The following CCDC30 variants were observed in gnomAD, a reference collection of about 807,000 sequenced individuals.
CCDC30 encodes the protein coiled-coil domain containing 30.
Under a neutral mutation model 100.2 loss-of-function variants are expected in CCDC30, and 70 were observed. That is an observed-to-expected ratio of 0.70 (90% CI 0.58 to 0.85). CCDC30 has a LOEUF of 0.85. CCDC30 is among the 40% of genes least tolerant of loss of function. The pLI, the probability that CCDC30 is intolerant of heterozygous loss-of-function variation, is 0.00. For missense variants in CCDC30, 652 were observed against 771.2 expected (o/e 0.85, Z 1.83); for synonymous variants, 233 against 269.5 (o/e 0.86, Z 1.33).
chr1:42,545,979 C>A (rs1016355389), intron 6 of CCDC30, among the ~76,000 whole-genome samples: 1 of 141,464 alleles, frequency 7.1e-6, no homozygotes, highest in Non-Finnish European at 1.6e-5. Context: ...ATTTAATATT[C>A]ATTTCCAAAT....
At chr1:42,635,676 G>C (rs572163309) in intron 11 of CCDC30, among the ~76,000 whole-genome samples, 5 of 152,106 alleles carry the variant, frequency 3.3e-5, no homozygotes, top group Admixed American at 6.5e-5. Flanking sequence ...AGGCGTGGTG[G>C]TGGGTGCCTG....
At chr1:42,491,061 G>A (rs1364806743) in intron 4 of CCDC30, among the ~76,000 whole-genome samples, 7 of 151,952 alleles carry the variant, frequency 4.6e-5, no homozygotes, top group Admixed American at 1.3e-4. Context: ...TTTTAAATAC[G>A]TTTACCAATT....
intron 6 of CCDC30, among the ~76,000 whole-genome samples, chr1:42,513,411 T>C (rs992619775): frequency 6.6e-6 from 1 of 152,192 alleles, no homozygotes; most frequent in Non-Finnish European, 1.5e-5. Context: ...CTGATCTTAA[T>C]ATGCAAATGG....
intron 6 of CCDC30, among the ~76,000 whole-genome samples, chr1:42,501,357 A>G (rs1644309545): frequency 6.6e-6 from 1 of 152,178 alleles, no homozygotes; most frequent in Non-Finnish European, 1.5e-5. Flanking sequence ...TCTGTATTCC[A>G]TTCTGTTAAC....
intron 10 of CCDC30, among the ~76,000 whole-genome samples, chr1:42,605,421 A>G (rs1340441289): frequency 6.6e-6 from 1 of 152,152 alleles, no homozygotes; most frequent in Non-Finnish European, 1.5e-5. Flanking sequence ...TGGCACCTTA[A>G]TATCATTTAA....
At chr1:42,494,762 C>T (rs1644203247) in intron 4 of CCDC30, among the ~76,000 whole-genome samples, 2 of 126,300 alleles carry the variant, frequency 1.6e-5, no homozygotes, top group African/African-American at 3.0e-5. Context: ...AAAATGCTCA[C>T]CATCACTGGC....
chr1:42,650,819 G>A (rs115117128), intron 15 of CCDC30, among the ~76,000 whole-genome samples: 4,435 of 151,736 alleles, frequency 0.029, 85 homozygotes, highest in Middle Eastern at 0.041. Flanking sequence ...GTAGCGATGG[G>A]GTCTTGTCAT....
chr1:42,583,950 A>G lies in CCDC30; in HGVS notation c.1001+2436A>G, dbSNP rs527780384. Reference sequence around the variant, plus strand: ...TAGGTATCCTACAGGAAAAACTGGCACCCTTCATCAAGGAGCTAAATAGAC... The same window carrying G: ...TAGGTATCCTACAGGAAAAACTGGCGCCCTTCATCAAGGAGCTAAATAGAC... On this transcript the variant is annotated intron_variant, in intron 9 of 16. Coordinates refer to ENST00000668663, the Ensembl canonical transcript of CCDC30. Among the ~76,000 whole-genome samples, 4 of 152,272 alleles carry G rather than the reference A, an allele frequency of 2.6e-5. No homozygotes were observed. In the East Asian group the frequency reaches 5.8e-4, roughly 22 times the overall value.
At chr1:42,558,771 C>T (rs894245297) in intron 6 of CCDC30, among the ~76,000 whole-genome samples, 4 of 152,084 alleles carry the variant, frequency 2.6e-5, no homozygotes, top group Admixed American at 6.6e-5. Context: ...GACAGGCCAA[C>T]GTGCAAATTC....
At chr1:42,505,199 T>C (rs1644376608) in intron 6 of CCDC30, among the ~76,000 whole-genome samples, 1 of 149,462 alleles carries the variant, frequency 6.7e-6, no homozygotes, top group Non-Finnish European at 1.5e-5. Flanking sequence ...AGTTCCTTGG[T>C]TTTATTTTCC....
At chr1:42,531,021 C>G (rs1644796944) in intron 6 of CCDC30, among the ~76,000 whole-genome samples, 1 of 152,124 alleles carries the variant, frequency 6.6e-6, no homozygotes, top group Non-Finnish European at 1.5e-5. Context: ...TGTTCCCACC[C>G]AAATTTCATG....
chr1:42,469,850 A>G (rs1434380663), intron 1 of CCDC30, among the ~76,000 whole-genome samples: 1 of 152,178 alleles, frequency 6.6e-6, no homozygotes, highest in Non-Finnish European at 1.5e-5. Context: ...ATTCAGTTTG[A>G]TGGGAGAGGT....
intron 3 of CCDC30, among the ~76,000 whole-genome samples, chr1:42,487,110 CAAA>C (rs58763328): frequency 0.039 from 3,518 of 90,936 alleles, 35 homozygotes; most frequent in Middle Eastern, 0.056. Flanking sequence ...TGCCCTGTCT[CAAA>C]AAAAAAAAAA....
chr1:42,597,518 A>G (rs1284461569), intron 10 of CCDC30, among the ~76,000 whole-genome samples: 5 of 152,202 alleles, frequency 3.3e-5, no homozygotes, highest in Non-Finnish European at 7.3e-5. Context: ...TGAAATATTT[A>G]AAGTGTTGAG....
chr1:42,496,380 A>AGCTACAT (rs1212444628), intron 4 of CCDC30, among the ~76,000 whole-genome samples: 1 of 152,126 alleles, frequency 6.6e-6, no homozygotes, highest in Non-Finnish European at 1.5e-5. Flanking sequence ...TCTACTTCAG[A>AGCTACAT]GCTACATTCT....
chr1:42,502,444 G>A (rs1305194224), intron 6 of CCDC30, among the ~76,000 whole-genome samples: 4 of 152,296 alleles, frequency 2.6e-5, no homozygotes, highest in South Asian at 4.1e-4. Flanking sequence ...AAGATGCCCC[G>A]CCCTGCTTCG....
intron 10 of CCDC30, chr1:42,595,173 C>T (rs984396805): frequency 7.9e-5 from 12 of 151,870 alleles, no homozygotes; most frequent in Admixed American, 4.6e-4. Flanking sequence ...AGTCTAGATC[C>T]GAGTTATATA....
intron 11 of CCDC30, among the ~76,000 whole-genome samples, chr1:42,629,827 G>A (rs1039185495): frequency 6.6e-6 from 1 of 151,754 alleles, no homozygotes; most frequent in Non-Finnish European, 1.5e-5. Flanking sequence ...TATTGGCCCG[G>A]CTGGTCTTGA....
At chr1:42,652,026 C>T (rs984714101) in intron 15 of CCDC30, among the ~76,000 whole-genome samples, 1 of 152,130 alleles carries the variant, frequency 6.6e-6, no homozygotes, top group African/African-American at 2.4e-5. Context: ...CCATATGATC[C>T]AGCAATCTTA....
Sources: gnomAD v4.1 joint callset for allele counts (sites outside exome capture counted in the v4.1 genomes callset) on GRCh38, gnomAD v4.1.1 for gene constraint, MANE v1.5 for transcripts, NCBI Gene and HGNC (gene_info 2026-07-23, HGNC 2026-07-21) for gene names.